TRIM67: variants seen among roughly 807,000 people sequenced by gnomAD.
TRIM67 encodes tripartite motif-containing protein 67.
In TRIM67, 39 loss-of-function variants were observed where a neutral mutation model predicts 71.0. The ratio of observed to expected loss-of-function variants is 0.55; its 90% confidence interval spans 0.43 to 0.72. The LOEUF is 0.72. TRIM67 is among the 30% of genes least tolerant of loss of function. TRIM67 has a pLI of 0.00. For synonymous variants in TRIM67, 481 were observed against 473.9 expected (o/e 1.01, Z -0.19); for missense variants, 973 against 1,079.2 (o/e 0.90, Z 1.38).
intron 2 of TRIM67, among the ~76,000 whole-genome samples, chr1:231,198,285 G>A (rs988485022): frequency 2.6e-5 from 4 of 152,214 alleles, no homozygotes; most frequent in African/African-American, 9.7e-5. Context: ...CTGTCTATAG[G>A]GGAGAACGTG....
chr1:231,193,368 G>A (rs923662404), intron 1 of TRIM67, among the ~76,000 whole-genome samples: 4 of 152,004 alleles, frequency 2.6e-5, no homozygotes, highest in South Asian at 2.1e-4. Flanking sequence ...ATACGTTGAC[G>A]CCTAAATCTT....
chr1:231,180,483 G>A (rs1203686948), intron 1 of TRIM67, among the ~76,000 whole-genome samples: 10 of 152,044 alleles, frequency 6.6e-5, no homozygotes, highest in Middle Eastern at 3.4e-3. Context: ...CCCTCCCAGC[G>A]TGCTAGTCTC....
At chr1:231,201,544 T>C (rs1265713813) in intron 5 of TRIM67, 27 bp downstream of exon 5, 1 of 1,607,872 alleles carries the variant, frequency 6.2e-7, no homozygotes, top group South Asian at 1.1e-5. Context: ...CCCAGTTCAG[T>C]CAGTGCTTCT....
chr1:231,195,825 C>T (rs570783765), intron 1 of TRIM67, among the ~76,000 whole-genome samples: 2 of 152,232 alleles, frequency 1.3e-5, no homozygotes, highest in Middle Eastern at 3.2e-3. Flanking sequence ...GCTTCACCCA[C>T]GACCTCTGAT....
rs746097685 is a variant in TRIM67 at position 231,163,724 on chromosome 1, AGCCGCC to A, written c.774_779del (p.Pro259_Pro260del). 116 of 1,492,342 alleles carry A rather than the reference AGCCGCC, an allele frequency of 7.8e-5. No individual in the cohort carries two copies. Among genetic ancestry groups the A allele is most frequent in the African/African-American group, 7.3e-5 (5 of 68,454 alleles). 92.4% of individuals were successfully genotyped at this position (1,492,342 alleles called of 1,614,324 possible). A position where few individuals can be genotyped will look rare whatever the true frequency, so the allele number is the denominator to read the frequency against. ...CCCTTCGCCAAGCATCGCCTGGTGC[AGCCGCC>A]GCCGCCGCCGCCGCCGCCCGCCGAG... is the stretch of plus-strand genomic sequence containing the variant. On this transcript the variant is annotated inframe_deletion, in exon 1 of 10. Transcript: ENST00000366653.
chr1:231,194,559 C>G (rs1683315924), intron 1 of TRIM67, among the ~76,000 whole-genome samples: 1 of 152,180 alleles, frequency 6.6e-6, no homozygotes, highest in African/African-American at 2.4e-5. Flanking sequence ...CTCCTCCTAT[C>G]AGAGTTGTCC....
rs750682693 is a variant in TRIM67 at position 231,208,983 on chromosome 1, G to A, written c.1856G>A (p.Arg619Gln). The A allele has an allele frequency of 3.2e-5, 51 of 1,603,074 alleles. No homozygotes were observed. The highest frequency in any genetic ancestry group is 3.3e-4 in the Middle Eastern group (2 of 6,042). Residue 619 changes from arginine to glutamine, a missense_variant, in exon 8 of 10, where the codon CGG (arginine) becomes CAG (glutamine). Arg to Gln is a conservative substitution (Grantham distance 43). This residue lies in a region of TRIM67 where 178 missense variants were observed against 247.9 expected (regional missense o/e 0.72). Coordinates refer to ENST00000366653, the MANE Select transcript of TRIM67 (RefSeq NM_001004342.5). Reference protein sequence around the residue: ...WFTFDPNSGHRDIILSNDNQT... With the variant: ...WFTFDPNSGHQDIILSNDNQT... ...ACATTTGACCCCAACTCTGGGCATC[G>A]GGACATCATTTTATCCAATGACAAC...
chr1:231,219,243 T>A lies in TRIM67; in HGVS notation c.*3803T>A, dbSNP rs1394618920. ...GTATGCCGTAGGATGTTTAGCAACA[T>A]CCCTGGTCTCTACCCATCATCTGCC... On this transcript the variant is annotated 3_prime_UTR_variant, in exon 10 of 10. Transcript: ENST00000366653. 2.0e-6 allele frequency: 2 copies of A among 982,790 alleles called. No individual in the cohort carries two copies. Among genetic ancestry groups the A allele is most frequent in the East Asian group, 1.1e-4 (1 of 8,800 alleles). 60.9% of individuals were successfully genotyped at this position (982,790 alleles called of 1,614,324 possible). A position where few individuals can be genotyped will look rare whatever the true frequency, so the allele number is the denominator to read the frequency against.
chr1:231,197,112 A>G lies in TRIM67; in HGVS notation c.1045-259A>G, dbSNP rs546592529. 2.8e-4 allele frequency among the ~76,000 whole-genome samples: 43 copies of G among 152,332 alleles called. No individual in the cohort carries two copies. The East Asian group carries it at 7.3e-3, about 26-fold the overall frequency. ...ATCAGGGGCAGACCTGTTTGCTTCA[A>G]CCCGTTAGCTGAGTGCTCCTTACCT... On this transcript the variant is annotated intron_variant, in intron 1 of 9. Coordinates refer to ENST00000366653, the MANE Select transcript of TRIM67 (RefSeq NM_001004342.5).
In TRIM67 at chr1:231,218,746, T is replaced by G. The variant is rs1684074281; in HGVS notation, c.*3306T>G. 5.1e-6 allele frequency: 5 copies of G among 985,346 alleles called. No homozygotes were observed. In the African/African-American group the frequency reaches 5.2e-5, roughly 10 times the overall value. The allele number at this position is 985,346 out of a possible 1,614,324, so 61.0% of individuals were successfully genotyped here. A position where few individuals can be genotyped will look rare whatever the true frequency, so the allele number is the denominator to read the frequency against. On this transcript the variant is annotated 3_prime_UTR_variant, in exon 10 of 10. Coordinates refer to ENST00000366653, the MANE Select transcript of TRIM67 (RefSeq NM_001004342.5). ...GTACTTTGTAGTTGCAACAGCGCCC[T>G]AGGTGCCCTATGGCCCACCAAGTTT... is the stretch of plus-strand genomic sequence containing the variant.
At chr1:231,165,789 A>G (rs1682445265) in intron 1 of TRIM67, among the ~76,000 whole-genome samples, 1 of 152,224 alleles carries the variant, frequency 6.6e-6, no homozygotes, top group Admixed American at 6.5e-5. Context: ...CCAATTACCA[A>G]GACAAGAAGT....
intron 1 of TRIM67, among the ~76,000 whole-genome samples, chr1:231,193,581 G>T (rs1285069986): frequency 1.5e-5 from 2 of 133,554 alleles, no homozygotes; most frequent in Non-Finnish European, 3.1e-5. Flanking sequence ...GAAAATCCAT[G>T]CATCTTAGTC....
At chr1:231,176,916 A>AAAAAAAAC (rs1419031024) in intron 1 of TRIM67, among the ~76,000 whole-genome samples, 1 of 151,670 alleles carries the variant, frequency 6.6e-6, no homozygotes, top group African/African-American at 2.4e-5. Context: ...CAAAAAAAAA[A>AAAAAAAAC]AAAAAAACAC....
At chr1:231,180,943 T>C (rs1241805072) in intron 1 of TRIM67, among the ~76,000 whole-genome samples, 1 of 150,994 alleles carries the variant, frequency 6.6e-6, no homozygotes, top group Non-Finnish European at 1.5e-5. Context: ...GTGCCACCTC[T>C]CAGGAGAAGG....
rs1684088101 is a variant in TRIM67, at chr1:231,219,366, T to C, written c.*3926T>C. ...CCACAAGTTGAGAACCACCAGGTTA[T>C]GCCAGTGGTTTGTCATGCATGGATC... On this transcript the variant is annotated 3_prime_UTR_variant, in exon 10 of 10. Transcript: ENST00000366653. The C allele has an allele frequency of 2.0e-6, 2 of 987,812 alleles. No homozygotes were observed. Among genetic ancestry groups the C allele is most frequent in the Non-Finnish European group, 2.4e-6 (2 of 831,646 alleles). 61.2% of individuals were successfully genotyped at this position (987,812 alleles called of 1,614,324 possible). A position where few individuals can be genotyped will look rare whatever the true frequency, so the allele number is the denominator to read the frequency against.
chr1:231,217,032 T>C lies in TRIM67; in HGVS notation c.*1592T>C. The C allele has an allele frequency of 1.0e-6, 1 of 985,936 alleles. No individual in the cohort carries two copies. Among genetic ancestry groups the C allele is most frequent in the Non-Finnish European group, 1.2e-6 (1 of 829,948 alleles). The allele number at this position is 985,936 out of a possible 1,614,324, so 61.1% of individuals were successfully genotyped here. A position where few individuals can be genotyped will look rare whatever the true frequency, so the allele number is the denominator to read the frequency against. On this transcript the variant is annotated 3_prime_UTR_variant, in exon 10 of 10. Transcript: ENST00000366653. ...TTCGCCCATTCACCAGCACCAACTG[T>C]GCGTCCTTGGTTCTGCCTTCCTGTT...
chr1:231,214,620 CA>C (rs570711072), intron 9 of TRIM67, among the ~76,000 whole-genome samples: 24 of 145,796 alleles, frequency 1.6e-4, no homozygotes, highest in South Asian at 2.2e-4. Context: ...ACTAAAAATA[CA>C]AAAAAAAAAT....
At chr1:231,193,810 C>T (rs1683299133) in intron 1 of TRIM67, among the ~76,000 whole-genome samples, 1 of 152,056 alleles carries the variant, frequency 6.6e-6, no homozygotes, top group Non-Finnish European at 1.5e-5. Flanking sequence ...CTGCCAGGCT[C>T]TGTTTAACAA....
At chr1:231,184,024 T>C (rs1036216678) in intron 1 of TRIM67, 10 of 152,210 alleles carry the variant, frequency 6.6e-5, no homozygotes, top group Non-Finnish European at 1.3e-4. Context: ...TGTCTCTTTG[T>C]TCAGTTTTGA....
Sources: gnomAD v4.1 joint callset for allele counts (sites outside exome capture counted in the v4.1 genomes callset) on GRCh38, gnomAD v4.1.1 for gene constraint, gnomAD v4.1.1 regional missense constraint, MANE v1.5 for transcripts, NCBI Gene and HGNC (gene_info 2026-07-23, HGNC 2026-07-21) for gene names.